CASP1: variants seen among roughly 807,000 people sequenced by gnomAD.
The protein encoded by CASP1 is caspase 1.
CASP1 carries 31 observed loss-of-function variants against 41.2 expected under a neutral mutation model. The observed-to-expected ratio is 0.75, with a 90% CI of 0.57 to 1.02. The LOEUF is 1.02. CASP1 is among the 50% of genes least tolerant of loss of function. The pLI is 0.00. For synonymous variants in CASP1, 163 were observed against 166.5 expected, an observed-to-expected ratio of 0.98 and a Z score of 0.16; for missense variants, 490 against 495.7, an observed-to-expected ratio of 0.99 and a Z score of 0.11.
At chr11:105,028,976 A>T in intron 7 of CASP1, 148 bp downstream of exon 7, 1 of 677,742 alleles carries the variant, frequency 1.5e-6, no homozygotes, top group Non-Finnish European at 2.5e-6. Context: ...GATATGCAAA[A>T]TTGCTCTCTT....
chr11:105,026,222 G>T lies in CASP1; in HGVS notation c.*36C>A. ...TTCCCACACTCCCGACCATACACATGTACCTGCCCACAGACATTCATACAG... is the reference window on the plus strand; with the variant it reads ...TTCCCACACTCCCGACCATACACATTTACCTGCCCACAGACATTCATACAG... On this transcript the variant is annotated 3_prime_UTR_variant, in exon 9 of 9. Transcript: ENST00000533400. The T allele has an allele frequency of 7.4e-7, 1 of 1,353,228 alleles. No homozygotes were observed. The highest frequency in any genetic ancestry group is 1.1e-6 in the Non-Finnish European group (1 of 943,408). The allele number at this position is 1,353,228 out of a possible 1,614,324, so 83.8% of individuals were successfully genotyped here.
intron 7 of CASP1, 154 bp from the exon 8 acceptor site, chr11:105,027,105 G>A (rs2134806931): frequency 1.5e-6 from 1 of 676,318 alleles, no homozygotes; most frequent in East Asian, 2.7e-5. Flanking sequence ...GGAGTGATTG[G>A]GATTTGGAAA....
rs1223044163 is a variant in CASP1 at position 105,030,517 on chromosome 11, A to T, written c.454-14T>A. ...TATTGGATAAATCTGTAGGAAATGC[A>T]ATTTGAATGAACAGCCTTGTTCTTT... On this transcript the variant is annotated splice_polypyrimidine_tract_variant and intron_variant, in intron 4 of 8. Transcript: ENST00000533400. 1.9e-6 allele frequency: 3 copies of T among 1,605,220 alleles called. No individual in the cohort carries two copies. The highest frequency in any genetic ancestry group is 2.6e-6 in the Non-Finnish European group (3 of 1,175,356).
chr11:105,032,412 T>C (rs1484280764), intron 3 of CASP1, among the ~76,000 whole-genome samples: 3 of 152,204 alleles, frequency 2.0e-5, no homozygotes, highest in African/African-American at 4.8e-5. Context: ...TAAGAAAATA[T>C]TCATGATACC....
At chr11:105,028,565 G>A (rs936565734) in intron 7 of CASP1, among the ~76,000 whole-genome samples, 30 of 152,008 alleles carry the variant, frequency 2.0e-4, no homozygotes, top group Non-Finnish European at 3.1e-4. Context: ...AGGAAAGCCC[G>A]AGGAGGAACT....
In CASP1 at chr11:105,025,692, A is replaced by T. The variant is rs1275344127; in HGVS notation, c.*566T>A. On this transcript the variant is annotated 3_prime_UTR_variant, in exon 9 of 9. Transcript: ENST00000533400. ...ATAAAGTTATACCACCAATGGGAAC[A>T]TACACAATTTTAAAAGGAAAGACCA... is the stretch of plus-strand genomic sequence containing the variant. 2.9e-6 allele frequency: 1 copy of T among 348,806 alleles called. No homozygotes were observed. The highest frequency in any genetic ancestry group is 2.2e-5 in the African/African-American group (1 of 45,492). 21.6% of individuals were successfully genotyped at this position (348,806 alleles called of 1,614,324 possible).
At chr11:105,029,472 A>G (rs1256750237) in intron 6 of CASP1, among the ~76,000 whole-genome samples, 193 bp downstream of exon 6, 2 of 152,134 alleles carry the variant, frequency 1.3e-5, no homozygotes, top group African/African-American at 4.8e-5. Context: ...CCAAACATCA[A>G]AATCTCAAGC....
At chr11:105,026,667 A>G (rs1297708789) in intron 8 of CASP1, 175 bp downstream of exon 8, 1 of 609,326 alleles carries the variant, frequency 1.6e-6, no homozygotes, top group East Asian at 2.7e-5. Context: ...TGTGGGTCTT[A>G]ATAGATTGGA....
At chr11:105,035,259 C>T (rs1863957062), upstream of CASP1, 1 of 1,112,574 alleles carries the variant, frequency 9.0e-7, no homozygotes, top group African/African-American at 1.5e-5. Flanking sequence ...AGAATCAGAA[C>T]TGTAGCCTGC....
chr11:105,034,781 A>C, intron 1 of CASP1: 5 of 599,106 alleles, frequency 8.3e-6, no homozygotes, highest in Non-Finnish European at 1.5e-5. Flanking sequence ...GAAATAGCCC[A>C]TTTCATTTAG....
chr11:105,026,947 A>G lies in CASP1; in HGVS notation c.1011T>C (p.Asn337=). ...CCATTGTGGGATGTCTCCAAGAAAC[A>G]TTATCTATGGATAAAGCACATTTCA... The part of the protein sequence containing the change: ...FIAFCSSTPD[N]VSWRHPTMGS... The change falls in exon 8 of 9, where the codon AAT becomes AAC. Residue 337 remains asparagine (N), a synonymous_variant. Transcript: ENST00000533400. The G allele has an allele frequency of 1.3e-6, 2 of 1,527,222 alleles. No homozygotes were observed. The highest frequency in any genetic ancestry group is 2.2e-5 in the East Asian group (1 of 44,494). 94.6% of individuals were successfully genotyped at this position (1,527,222 alleles called of 1,614,324 possible).
intron 5 of CASP1, among the ~76,000 whole-genome samples, chr11:105,030,102 A>G (rs1863589148): frequency 6.6e-6 from 1 of 152,178 alleles, no homozygotes. Flanking sequence ...GTAGAGAGAC[A>G]GTGGCATTAC....
intron 8 of CASP1, 164 bp downstream of exon 8, chr11:105,026,678 T>G (rs1017757669): frequency 1.6e-6 from 1 of 612,998 alleles, no homozygotes; most frequent in Non-Finnish European, 2.9e-6. Context: ...ATAGATTGGA[T>G]TAGGCTCCTG....
Position 105,032,199 on chromosome 11 carries a change from G to A in CASP1, c.337+865C>T, listed in dbSNP as rs865997226. 4.6e-5 allele frequency among the ~76,000 whole-genome samples: 7 copies of A among 152,136 alleles called. No homozygotes were observed. The South Asian group carries it at 1.4e-3, about 31-fold the overall frequency. ...CAAAGGCAGCATGAAATGTGCTGAT[G>A]TGGAGAAGAACGAATTAGAATAGAT... is the stretch of plus-strand genomic sequence containing the variant. On this transcript the variant is annotated intron_variant, in intron 3 of 8. Coordinates refer to ENST00000533400, the MANE Select transcript of CASP1 (RefSeq NM_001257118.3).
chr11:105,029,060 T>C (rs1863499498), intron 7 of CASP1, 64 bp downstream of exon 7: 8 of 1,472,476 alleles, frequency 5.4e-6, no homozygotes, highest in Non-Finnish European at 7.4e-6. Context: ...CCACCTCTAG[T>C]GGGTTATTGT....
At chr11:105,032,267 G>T (rs1168958256) in intron 3 of CASP1, among the ~76,000 whole-genome samples, 1 of 152,090 alleles carries the variant, frequency 6.6e-6, no homozygotes, top group African/African-American at 2.4e-5. Flanking sequence ...TGGATAAAAT[G>T]TTGGATTTCT....
At chr11:105,029,045 A>T in intron 7 of CASP1, 79 bp downstream of exon 7, 1 of 1,349,368 alleles carries the variant, frequency 7.4e-7, no homozygotes, top group Non-Finnish European at 1.0e-6. Context: ...TTGAGTTGTT[A>T]ATCACCACCT....
rs775065436 is a variant in CASP1, at chr11:105,029,771, G to A, written c.756C>T (p.Val252=). 1 of 1,613,550 alleles carries A rather than the reference G, an allele frequency of 6.2e-7. No homozygotes were observed. The highest frequency in any genetic ancestry group is 8.5e-7 in the Non-Finnish European group (1 of 1,179,642). The change falls in exon 6 of 9, where the codon GTC becomes GTT. Residue 252 remains valine, a synonymous_variant. Coordinates refer to ENST00000533400, the MANE Select transcript of CASP1 (RefSeq NM_001257118.3). The stretch of plus-strand genomic sequence containing the variant: ...TTGCATTGAGTTGTAGTATATCTGG[G>A]ACTTGCTCAGAGTGTTTCTTCCCAC... ...GICGKKHSEQ[V]PDILQLNAIF...
In CASP1 at chr11:105,030,498, A is replaced by G. The variant is rs531803659; in HGVS notation, c.459T>C (p.Tyr153=). Residue 153 remains tyrosine (Y), a synonymous_variant, in exon 5 of 9, where the codon TAT becomes TAC. Coordinates refer to ENST00000533400, the MANE Select transcript of CASP1 (RefSeq NM_001257118.3). ...RIWKQKSAEI[Y]PIMDKSSRTR... is the part of the protein sequence containing the mutation. The stretch of plus-strand genomic sequence containing the variant: ...TGCGGCTTGACTTGTCCATTATTGG[A>G]TAAATCTGTAGGAAATGCAATTTGA... 3.1e-6 allele frequency: 5 copies of G among 1,610,322 alleles called. No individual in the cohort carries two copies. The South Asian group carries it at 5.5e-5, about 18-fold the overall frequency.
Sources: gnomAD v4.1 joint callset for allele counts (sites outside exome capture counted in the v4.1 genomes callset) on GRCh38, gnomAD v4.1.1 for gene constraint, MANE v1.5 for transcripts, NCBI Gene and HGNC (gene_info 2026-07-23, HGNC 2026-07-21) for gene names.